Variants in ING2 observed in about 807,000 individuals in gnomAD.
ING2 encodes inhibitor of growth family member 2, also known as inhibitor of growth protein 2.
A neutral mutation model predicts 30.6 loss-of-function variants in ING2; 7 were observed. The observed-to-expected ratio is 0.23, with a 90% confidence interval of 0.13 to 0.43. ING2 has a LOEUF of 0.43. ING2 is among the 20% of genes least tolerant of loss of function. The pLI is 1.00. For missense variants in ING2, 239 were observed against 334.9 expected (o/e 0.71, Z 2.24); for synonymous variants, 136 against 121.7 (o/e 1.12, Z -0.78).
Position 183,505,242 on chromosome 4 carries a change from T to G in ING2, c.47T>G (p.Leu16Arg). The G allele has an allele frequency of 6.3e-7, 1 of 1,598,684 alleles. No individual in the cohort carries two copies. The highest frequency in any genetic ancestry group is 8.5e-7 in the Non-Finnish European group (1 of 1,173,796). Residue 16 changes from leucine to arginine, a missense_variant, in exon 1 of 2, where the codon CTG (leucine) becomes CGG (arginine). Coordinates refer to ENST00000302327, the MANE Select transcript of ING2 (RefSeq NM_001564.4). Reference protein sequence around the residue: ...QQQLYSSAALLTGERSRLLTC... With the variant: ...QQQLYSSAALRTGERSRLLTC... ...CAACTGTACTCGTCGGCCGCGCTCC[T>G]GACCGGGGAGCGGAGCCGGCTGCTC...
At chr4:183,505,428 G>C in intron 1 of ING2, 61 bp downstream of exon 1, 1 of 1,420,698 alleles carries the variant, frequency 7.0e-7, no homozygotes, top group South Asian at 1.3e-5. Context: ...CCGGGGGAGT[G>C]CCACCTTCCC....
chr4:183,505,143 T>C lies in ING2; in HGVS notation c.-53T>C, dbSNP rs1560968125. ...GAGGGCCCGCGGCGGCCGCGGCCGGTGCATGTGCGGCTGCTGGATGCGGAG... is the reference window on the plus strand; with the variant it reads ...GAGGGCCCGCGGCGGCCGCGGCCGGCGCATGTGCGGCTGCTGGATGCGGAG... On this transcript the variant is annotated 5_prime_UTR_variant, in exon 1 of 2. Coordinates refer to ENST00000302327, the MANE Select transcript of ING2 (RefSeq NM_001564.4). 3 of 1,541,908 alleles carry C rather than the reference T, an allele frequency of 1.9e-6. No homozygotes were observed. The highest frequency in any genetic ancestry group is 2.8e-5 in the African/African-American group (2 of 70,534).
In ING2 at chr4:183,508,584, C is replaced by A. The variant is rs570019779; in HGVS notation, c.173-1698C>A. ...GTTGTACATCAAGTACGAGTACCTG[C>A]GATTTCCAGGGAGAAGCTGATTAAT... On this transcript the variant is annotated intron_variant, in intron 1 of 1. Coordinates refer to ENST00000302327, the MANE Select transcript of ING2 (RefSeq NM_001564.4). Among the ~76,000 whole-genome samples the A allele has an allele frequency of 7.2e-5, 11 of 152,250 alleles. No individual in the cohort carries two copies. In the South Asian group the frequency reaches 2.3e-3, roughly 32 times the overall value.
intron 1 of ING2, among the ~76,000 whole-genome samples, chr4:183,508,735 G>A (rs1212616896): frequency 6.6e-6 from 1 of 152,004 alleles, no homozygotes; most frequent in Non-Finnish European, 1.5e-5. Flanking sequence ...TATGCCATGT[G>A]GTATGAAAAA....
intron 1 of ING2, among the ~76,000 whole-genome samples, chr4:183,505,723 G>A (rs1026604647): frequency 1.4e-4 from 21 of 150,636 alleles, no homozygotes; most frequent in African/African-American, 5.1e-4. Context: ...AGCCGGGCAA[G>A]GGTCGGAGGG....
At position 183,505,146 on chromosome 4, in the gene ING2, A is replaced by C. The variant is rs967320156; in HGVS notation, c.-50A>C. ...GGCCCGCGGCGGCCGCGGCCGGTGC[A>C]TGTGCGGCTGCTGGATGCGGAGGCG... On this transcript the variant is annotated 5_prime_UTR_variant, in exon 1 of 2. An upstream start codon of the reference 5' UTR is lost. Transcript: ENST00000302327. The C allele has an allele frequency of 1.3e-6, 2 of 1,552,552 alleles. No individual in the cohort carries two copies. Among genetic ancestry groups the C allele is most frequent in the African/African-American group, 1.4e-5 (1 of 71,070 alleles).
chr4:183,506,014 A>C, intron 1 of ING2: 11 of 881,270 alleles, frequency 1.2e-5, no homozygotes, highest in South Asian at 2.0e-5. Flanking sequence ...CGGGAGAGGA[A>C]GAGAGGGGCG....
chr4:183,508,849 T>C (rs1388332348), intron 1 of ING2, among the ~76,000 whole-genome samples: 1 of 152,218 alleles, frequency 6.6e-6, no homozygotes, highest in Non-Finnish European at 1.5e-5. Flanking sequence ...TGGTGACATC[T>C]GAAATTATAT....
At chr4:183,508,270 C>G (rs1344623275) in intron 1 of ING2, among the ~76,000 whole-genome samples, 1 of 152,004 alleles carries the variant, frequency 6.6e-6, no homozygotes, top group Non-Finnish European at 1.5e-5. Context: ...TCTCATCTAT[C>G]AATGTGCTGG....
Position 183,510,351 on chromosome 4 carries a change from G to A in ING2, c.242G>A (p.Arg81His). 6.2e-7 allele frequency: 1 copy of A among 1,613,760 alleles called. No homozygotes were observed. The highest frequency in any genetic ancestry group is 8.5e-7 in the Non-Finnish European group (1 of 1,179,796). Residue 81 changes from arginine to histidine, a missense_variant, in exon 2 of 2, where the codon CGT (arginine) becomes CAT (histidine). Coordinates refer to ENST00000302327, the MANE Select transcript of ING2 (RefSeq NM_001564.4). ...GAAGATGATTTAAACCAGAAGAAACGTCTACAGCAGCTTCTCCAGAGAGCA... is the reference window on the plus strand; with the variant it reads ...GAAGATGATTTAAACCAGAAGAAACATCTACAGCAGCTTCTCCAGAGAGCA... ...KKEDDLNQKK[R>H]LQQLLQRALI... is the part of the protein sequence containing the mutation.
rs961458260 is a variant in ING2 at position 183,510,754 on chromosome 4, C to T, written c.645C>T (p.Cys215=). The stretch of plus-strand genomic sequence containing the variant: ...TAGATCCTAATGAACCTACATACTG[C>T]TTATGCAACCAAGTGTCTTATGGGG... The part of the protein sequence containing the change: ...FAIDPNEPTY[C]LCNQVSYGEM... The change falls in exon 2 of 2, where the codon TGC becomes TGT. Residue 215 remains cysteine (C), a synonymous_variant. Transcript: ENST00000302327. The T allele has an allele frequency of 6.2e-7, 1 of 1,614,218 alleles. No homozygotes were observed. The highest frequency in any genetic ancestry group is 8.5e-7 in the Non-Finnish European group (1 of 1,180,038).
Position 183,510,376 on chromosome 4 carries a change from A to C in ING2, c.267A>C (p.Ala89=), listed in dbSNP as rs1432286418. The C allele has an allele frequency of 1.9e-6, 3 of 1,614,192 alleles. No individual in the cohort carries two copies. Among genetic ancestry groups the C allele is most frequent in the Non-Finnish European group, 2.5e-6 (3 of 1,179,992 alleles). Residue 89 remains alanine (A), a synonymous_variant, in exon 2 of 2, where the codon GCA becomes GCC. Transcript: ENST00000302327. Reference sequence around the variant, plus strand: ...GTCTACAGCAGCTTCTCCAGAGAGCACTAATTAATAGTCAAGAATTGGGAG... The same window carrying C: ...GTCTACAGCAGCTTCTCCAGAGAGCCCTAATTAATAGTCAAGAATTGGGAG... ...KKRLQQLLQR[A]LINSQELGDE...
intron 1 of ING2, among the ~76,000 whole-genome samples, chr4:183,509,304 G>A (rs956386808): frequency 1.3e-5 from 2 of 152,206 alleles, no homozygotes; most frequent in African/African-American, 4.8e-5. Flanking sequence ...ACCTTTTCAA[G>A]TTTTAGAGCT....
Position 183,511,830 on chromosome 4 carries a change from A to T in ING2, c.*878A>T, listed in dbSNP as rs1447588503. 6.6e-6 allele frequency among the ~76,000 whole-genome samples: 1 copy of T among 152,212 alleles called. No homozygotes were observed. The highest frequency in any genetic ancestry group is 1.5e-5 in the Non-Finnish European group (1 of 68,024). On this transcript the variant is annotated 3_prime_UTR_variant, in exon 2 of 2. Coordinates refer to ENST00000302327, the MANE Select transcript of ING2 (RefSeq NM_001564.4). ...CAGGCCTATCAGTGGAAAGGGGCAT[A>T]TAGTAGTCTTTAAATATTGCCTTTA...
rs555002676 is a variant in ING2, at chr4:183,509,811, G to A, written c.173-471G>A. Among the ~76,000 whole-genome samples, 873 of 148,370 alleles carry A rather than the reference G, an allele frequency of 5.9e-3. 7 individuals are homozygous for A. The highest frequency in any genetic ancestry group is 0.021 in the African/African-American group (841 of 39,854). ...TGCAGCGGTGCGATCTCGGCTCACG[G>A]CAACCTCCGCCTTCCGGGTTCAAGC... On this transcript the variant is annotated intron_variant, in intron 1 of 1. Transcript: ENST00000302327.
At chr4:183,507,381 G>A (rs1734677068) in intron 1 of ING2, among the ~76,000 whole-genome samples, 1 of 152,224 alleles carries the variant, frequency 6.6e-6, no homozygotes, top group Admixed American at 6.5e-5. Context: ...GATTACAGGC[G>A]TGAGCCACCG....
chr4:183,509,735 T>A (rs1346508300), intron 1 of ING2, among the ~76,000 whole-genome samples: 2 of 49,860 alleles, frequency 4.0e-5, no homozygotes, highest in Non-Finnish European at 7.5e-5. Context: ...GCGCCTGGCC[T>A]TTTTTTTTTT....
chr4:183,506,131 G>A, intron 1 of ING2: 1 of 1,233,480 alleles, frequency 8.1e-7, no homozygotes, highest in Non-Finnish European at 1.1e-6. Flanking sequence ...ATGGCTGGTC[G>A]CGAGAGGGGC....
In ING2 at chr4:183,505,246, C is replaced by G. The variant is rs779797468; in HGVS notation, c.51C>G (p.Thr17=). 3 of 1,597,986 alleles carry G rather than the reference C, an allele frequency of 1.9e-6. No homozygotes were observed. The South Asian group carries it at 3.4e-5, about 18-fold the overall frequency. ...QQLYSSAALL[T]GERSRLLTCY... ...TGTACTCGTCGGCCGCGCTCCTGAC[C>G]GGGGAGCGGAGCCGGCTGCTCACCT... The change falls in exon 1 of 2, where the codon ACC becomes ACG. Residue 17 remains threonine, a synonymous_variant. Transcript: ENST00000302327.
Sources: gnomAD v4.1 joint callset for allele counts (sites outside exome capture counted in the v4.1 genomes callset) on GRCh38, gnomAD v4.1.1 for gene constraint, MANE v1.5 for transcripts, NCBI Gene and HGNC (gene_info 2026-07-23, HGNC 2026-07-21) for gene names.